Variants in KRT5 observed in about 807,000 individuals in gnomAD.
KRT5 encodes keratin 5, also known as keratin, type II cytoskeletal 5.
Under a neutral mutation model 44.0 loss-of-function variants are expected in KRT5, and 17 were observed. The ratio of observed to expected loss-of-function variants is 0.39; its 90% CI spans 0.26 to 0.58. KRT5 has a LOEUF of 0.58. Ranked by LOEUF, KRT5 falls within the 20% of genes least tolerant of loss-of-function variation. The pLI is 0.61. For synonymous variants in KRT5, 329 were observed against 312.8 expected (o/e 1.05, Z -0.55); for missense variants, 737 against 785.5 (o/e 0.94, Z 0.74).
In KRT5 at chr12:52,515,193, A is replaced by AGCCACT. The variant is rs751071388; in HGVS notation, c.1516_1521dup (p.Ser506_Gly507dup). 1 of 1,611,482 alleles carries AGCCACT rather than the reference A, an allele frequency of 6.2e-7. No homozygotes were observed. Among genetic ancestry groups the AGCCACT allele is most frequent in the African/African-American group, 1.3e-5 (1 of 74,954 alleles). ...AGACCTCCACCGAGGCCACCGCCAT[A>AGCCACT]GCCACTGCCACTGCCATATCCAGAG... On this transcript the variant is annotated inframe_insertion, in exon 9 of 9. Coordinates refer to ENST00000252242, the MANE Select transcript of KRT5 (RefSeq NM_000424.4).
intron 4 of KRT5, 41 bp downstream of exon 4, chr12:52,517,856 A>G: frequency 6.2e-7 from 1 of 1,611,790 alleles, no homozygotes. Context: ...ACTTGAGGAA[A>G]AAAAACCCAC....
chr12:52,515,593 C>G (rs1938597188), intron 8 of KRT5: 11 of 657,500 alleles, frequency 1.7e-5, no homozygotes, highest in Non-Finnish European at 3.0e-5. Context: ...ATGGCTTACC[C>G]TTTAAGAGAT....
chr12:52,518,053 G>A (rs769779953), intron 3 of KRT5, 50 bp downstream of exon 3: 1 of 1,610,884 alleles, frequency 6.2e-7, no homozygotes, highest in Non-Finnish European at 8.5e-7. Flanking sequence ...TGAGCTCCAC[G>A]CTTAGAGAGC....
chr12:52,517,980 C>T lies in KRT5; in HGVS notation c.844G>A (p.Ala282Thr). 2 of 1,613,792 alleles carry T rather than the reference C, an allele frequency of 1.2e-6. No individual in the cohort carries two copies. Among genetic ancestry groups the T allele is most frequent in the East Asian group, 2.2e-5 (1 of 44,882 alleles). The change falls in exon 4 of 9, where the codon GCC (alanine) becomes ACC (threonine). Residue 282 changes from alanine (A) to threonine (T), a missense_variant. Ala to Thr is a moderately conservative substitution (Grantham distance 58). Transcript: ENST00000252242. Reference protein sequence around the residue: ...FVMLKKDVDAAYMNKVELEAK... With the variant: ...FVMLKKDVDATYMNKVELEAK... ...TCCAGCTCCACCTTGTTCATGTAGG[C>T]AGCATCTACATCCTGGGGAAACAGG...
intron 8 of KRT5, 164 bp from the exon 9 acceptor site, chr12:52,515,404 TGG>T: frequency 1.0e-6 from 1 of 1,004,352 alleles, no homozygotes; most frequent in East Asian, 2.4e-5. Flanking sequence ...CCTAAAAAAG[TGG>T]GTGAGTGTAA....
At position 52,516,674 on chromosome 12, in the gene KRT5, C is replaced by T. The variant is rs1131691471; in HGVS notation, c.1402G>A (p.Ala468Thr). 2.5e-6 allele frequency: 4 copies of T among 1,614,072 alleles called. No individual in the cohort carries two copies. Among genetic ancestry groups the T allele is most frequent in the Admixed American group, 1.7e-5 (1 of 60,018 alleles). Reference protein sequence around the residue: ...NTKLALDVEIATYRKLLEGEE... With the variant: ...NTKLALDVEITTYRKLLEGEE... ...CCCTCCAGCAGCTTGCGGTAAGTGG[C>T]GATCTCCACGTCCAGGGCCAGCTTG... Residue 468 changes from alanine to threonine, a missense_variant, in exon 7 of 9, where the codon GCC becomes ACC. Around this residue, in one of 5 missense-constraint regions of KRT5, gnomAD observed 344 missense variants for 351.6 expected, o/e 0.98. Coordinates refer to ENST00000252242, the MANE Select transcript of KRT5 (RefSeq NM_000424.4).
rs759191256 is a variant in KRT5 at position 52,519,973 on chromosome 12, G to A, written c.324C>T (p.Gly108=). The change falls in exon 1 of 9, where the codon GGC becomes GGT. Residue 108 remains glycine, a synonymous_variant. Coordinates refer to ENST00000252242, the MANE Select transcript of KRT5 (RefSeq NM_000424.4). The part of the protein sequence containing the change: ...GGGAGSGFGF[G]GGAGGGFGLG... ...GCCCAAAGCCACCACCAGCTCCACC[G>A]CCGAAACCAAATCCACTACCGGCAC... is the stretch of plus-strand genomic sequence containing the variant. 66 of 1,610,494 alleles carry A rather than the reference G, an allele frequency of 4.1e-5. No individual in the cohort carries two copies. The highest frequency in any genetic ancestry group is 2.7e-4 in the African/African-American group (20 of 74,034).
intron 5 of KRT5, 78 bp downstream of exon 5, chr12:52,517,512 T>C: frequency 1.3e-6 from 2 of 1,493,344 alleles, no homozygotes; most frequent in East Asian, 2.3e-5. Flanking sequence ...AGGAGCCCCA[T>C]TCTTAGTGTC....
Position 52,520,079 on chromosome 12 carries a change from C to G in KRT5, c.218G>C (p.Arg73Thr), listed in dbSNP as rs1285526841. 4 of 1,614,024 alleles carry G rather than the reference C, an allele frequency of 2.5e-6. No homozygotes were observed. The African/African-American group carries it at 5.3e-5, about 22-fold the overall frequency. Residue 73 changes from arginine to threonine, a missense_variant, in exon 1 of 9, where the codon AGG (arginine) becomes ACG (threonine). Transcript: ENST00000252242. ...RSLYNLGGSK[R>T]ISISTSGGSF... ...GCCACCACTAGTGCTGATGGATATC[C>G]TCTTGGAGCCCCCCAGGTTGTAGAG...
intron 2 of KRT5, 29 bp from the exon 3 acceptor site, chr12:52,518,192 G>C (rs1449237548): frequency 6.2e-7 from 1 of 1,608,748 alleles, no homozygotes; most frequent in Non-Finnish European, 8.5e-7. Context: ...GGAAGTGTTT[G>C]TCAGAGGATG....
chr12:52,515,881 G>A lies in KRT5; in HGVS notation c.1440-49C>T, dbSNP rs748685194. The A allele has an allele frequency of 1.9e-5, 29 of 1,507,464 alleles. No homozygotes were observed. In the East Asian group the frequency reaches 5.4e-4, roughly 28 times the overall value. 93.4% of individuals were successfully genotyped at this position (1,507,464 alleles called of 1,614,324 possible). Reference sequence around the variant, plus strand: ...AGGGTTAACAGCTCCCAAAAAGACAGCATTAGTCTATGTGGCTAACTCCCA... The same window carrying A: ...AGGGTTAACAGCTCCCAAAAAGACAACATTAGTCTATGTGGCTAACTCCCA... On this transcript the variant is annotated intron_variant, in intron 7 of 8. Transcript: ENST00000252242.
chr12:52,516,072 A>G, intron 7 of KRT5: 2 of 592,800 alleles, frequency 3.4e-6, no homozygotes, highest in Non-Finnish European at 3.0e-6. Context: ...TCCACCCACT[A>G]TGGGGAAAGT....
At chr12:52,519,716 A>AT (rs747462388) in intron 1 of KRT5, 26 bp downstream of exon 1, 11 of 1,608,010 alleles carry the variant, frequency 6.8e-6, no homozygotes, top group African/African-American at 2.7e-5. Context: ...ACCCACAGTG[A>AT]TTTTTTACAA....
At chr12:52,516,892 G>C (rs761946940) in intron 6 of KRT5, 35 bp from the exon 7 acceptor site, 6 of 1,609,410 alleles carry the variant, frequency 3.7e-6, no homozygotes, top group East Asian at 4.5e-5. Context: ...GGGTTGCTTG[G>C]GACCTGAGGT....
At chr12:52,519,395 C>T in intron 1 of KRT5, 2 of 676,554 alleles carry the variant, frequency 3.0e-6, no homozygotes, top group Non-Finnish European at 5.0e-6. Context: ...TGGAGTGTGT[C>T]CCGGCTCAGG....
At chr12:52,518,367 T>C (rs1352004235) in intron 2 of KRT5, 40 of 682,504 alleles carry the variant, frequency 5.9e-5, no homozygotes, top group Middle Eastern at 5.8e-4. Flanking sequence ...CTGCCTACCA[T>C]ATAATAATTC....
At position 52,517,997 on chromosome 12, in the gene KRT5, G is replaced by C. The variant is rs749843921; in HGVS notation, c.832-5C>G. 6.8e-6 allele frequency: 11 copies of C among 1,613,608 alleles called. No individual in the cohort carries two copies. The highest frequency in any genetic ancestry group is 9.3e-6 in the Non-Finnish European group (11 of 1,179,496). Reference sequence around the variant, plus strand: ...CATGTAGGCAGCATCTACATCCTGGGGAAACAGGGATGATTGGCACTGCAC... The same window carrying C: ...CATGTAGGCAGCATCTACATCCTGGCGAAACAGGGATGATTGGCACTGCAC... On this transcript the variant is annotated splice_region_variant and splice_polypyrimidine_tract_variant and intron_variant, in intron 3 of 8. Transcript: ENST00000252242.
rs1360525919 is a variant in KRT5, at chr12:52,515,103, C to T, written c.1612G>A (p.Gly538Arg). 6 of 1,612,322 alleles carry T rather than the reference C, an allele frequency of 3.7e-6. No individual in the cohort carries two copies. Among genetic ancestry groups the T allele is most frequent in the South Asian group, 2.2e-5 (2 of 90,908 alleles). Residue 538 changes from glycine to arginine, a missense_variant, in exon 9 of 9, where the codon GGG (glycine) becomes AGG (arginine). Around this residue, in one of 5 missense-constraint regions of KRT5, gnomAD observed 344 missense variants for 351.6 expected, o/e 0.98. Coordinates refer to ENST00000252242, the MANE Select transcript of KRT5 (RefSeq NM_000424.4). ...AGCCCACCACCTAGGCCGACACCCC[C>T]ACTGCTGCTGGAGTAGTAGCTTCCA... ...SSGSYYSSSS[G>R]GVGLGGGLSV...
At chr12:52,517,003 G>T in intron 6 of KRT5, 104 bp downstream of exon 6, 1 of 1,509,016 alleles carries the variant, frequency 6.6e-7, no homozygotes, top group Non-Finnish European at 9.2e-7. Context: ...ACTGGTACTG[G>T]ATCTAGCTGC....
Sources: gnomAD v4.1 joint callset for allele counts on GRCh38, gnomAD v4.1.1 for gene constraint, gnomAD v4.1.1 regional missense constraint, MANE v1.5 for transcripts, NCBI Gene and HGNC (gene_info 2026-07-23, HGNC 2026-07-21) for gene names.